Variants in FGGY observed in about 807,000 individuals in gnomAD.
FGGY encodes the protein FGGY carbohydrate kinase domain containing, also known as FGGY carbohydrate kinase domain-containing protein.
A neutral mutation model predicts 71.3 loss-of-function variants in FGGY; 72 were observed. That is an observed-to-expected ratio of 1.01 (90% CI 0.84 to 1.23). The LOEUF (loss-of-function observed/expected upper bound fraction) is 1.23, where lower values mean the gene tolerates loss of function less well. Among genes scored for constraint, FGGY ranks in the 50% most tolerant of loss-of-function variants. FGGY has a pLI of 0.00. For missense variants in FGGY, 668 were observed against 682.3 expected (o/e 0.98, Z 0.23); for synonymous variants, 251 against 250.3 (o/e 1.00, Z -0.02).
chr1:59,627,485 TATATACACAC>T (rs1321566340), intron 10 of FGGY, among the ~76,000 whole-genome samples: 1 of 113,936 alleles, frequency 8.8e-6, no homozygotes, highest in African/African-American at 4.4e-5. Flanking sequence ...TATATATATA[TATATACACAC>T]ACACACACAC....
chr1:59,347,581 T>G (rs1319887292), intron 4 of FGGY, among the ~76,000 whole-genome samples: 2 of 152,064 alleles, frequency 1.3e-5, no homozygotes, highest in African/African-American at 2.4e-5. Flanking sequence ...GTCTTTATAG[T>G]AGCATGGTAC....
chr1:59,468,357 T>TA (rs2092756568), intron 6 of FGGY, among the ~76,000 whole-genome samples: 1 of 152,228 alleles, frequency 6.6e-6, no homozygotes, highest in Admixed American at 6.5e-5. Flanking sequence ...CTGCAGAAGA[T>TA]ACACCCTATG....
intron 7 of FGGY, among the ~76,000 whole-genome samples, chr1:59,537,383 G>A (rs1024196023): frequency 2.6e-4 from 40 of 152,288 alleles, no homozygotes; most frequent in African/African-American, 8.9e-4. Context: ...CCATGCTCGT[G>A]GATAGGAAGA....
intron 11 of FGGY, among the ~76,000 whole-genome samples, chr1:59,648,927 T>C (rs1227475584): frequency 1.3e-5 from 2 of 151,994 alleles, no homozygotes; most frequent in East Asian, 3.9e-4. Flanking sequence ...GATTTTTGTA[T>C]AAGGTGTAAG....
chr1:59,484,200 C>A (rs944758100), intron 6 of FGGY, among the ~76,000 whole-genome samples: 1 of 152,186 alleles, frequency 6.6e-6, no homozygotes, highest in Non-Finnish European at 1.5e-5. Flanking sequence ...TCCAAAATCT[C>A]ATGCTTTTTA....
intron 6 of FGGY, among the ~76,000 whole-genome samples, chr1:59,488,821 A>G (rs558702858): frequency 6.6e-6 from 1 of 151,904 alleles, no homozygotes; most frequent in East Asian, 1.9e-4. Context: ...CCAGTAATGG[A>G]TTTACCAAGT....
intron 6 of FGGY, among the ~76,000 whole-genome samples, chr1:59,494,777 A>G (rs1336531834): frequency 6.6e-6 from 1 of 152,176 alleles, no homozygotes; most frequent in Non-Finnish European, 1.5e-5. Context: ...CACAGTGTAC[A>G]CTTTGGGGTA....
At chr1:59,727,606 A>C (rs2097963775) in intron 14 of FGGY, among the ~76,000 whole-genome samples, 1 of 152,202 alleles carries the variant, frequency 6.6e-6, no homozygotes, top group Admixed American at 6.5e-5. Context: ...AGAGCAATCA[A>C]TATTGTTAAA....
At chr1:59,436,932 C>A (rs918355700) in intron 5 of FGGY, among the ~76,000 whole-genome samples, 1 of 152,210 alleles carries the variant, frequency 6.6e-6, no homozygotes. Context: ...TTTACAAGTT[C>A]TGTCCAAACT....
intron 7 of FGGY, among the ~76,000 whole-genome samples, chr1:59,523,752 G>A (rs1184266179): frequency 6.6e-6 from 1 of 152,160 alleles, no homozygotes; most frequent in Non-Finnish European, 1.5e-5. Context: ...CTCTGAAGAT[G>A]GTAAAAATTT....
At chr1:59,546,041 G>A (rs184647034) in intron 7 of FGGY, among the ~76,000 whole-genome samples, 3 of 152,204 alleles carry the variant, frequency 2.0e-5, no homozygotes, top group African/African-American at 7.2e-5. Flanking sequence ...CTCTGGCAAA[G>A]CACACACCGT....
At chr1:59,308,078 C>T (rs1196137922) in intron 1 of FGGY, among the ~76,000 whole-genome samples, 1 of 152,168 alleles carries the variant, frequency 6.6e-6, no homozygotes, top group Non-Finnish European at 1.5e-5. Flanking sequence ...CATGCAGTGT[C>T]ATGTAGAAAC....
chr1:59,758,817 G>A (rs938220878), intron 15 of FGGY, among the ~76,000 whole-genome samples: 20 of 152,290 alleles, frequency 1.3e-4, no homozygotes, highest in African/African-American at 4.6e-4. Flanking sequence ...GGGAAGGATA[G>A]AATTGGGTAG....
intron 5 of FGGY, among the ~76,000 whole-genome samples, chr1:59,382,087 A>G (rs1427903758): frequency 6.6e-6 from 1 of 152,182 alleles, no homozygotes; most frequent in Non-Finnish European, 1.5e-5. Context: ...AAACCTGTGA[A>G]GAAGGGAATC....
intron 7 of FGGY, among the ~76,000 whole-genome samples, chr1:59,512,729 G>C (rs929498253): frequency 6.6e-6 from 1 of 152,128 alleles, no homozygotes; most frequent in African/African-American, 2.4e-5. Context: ...ATTCAAAAAA[G>C]ATATGTTAAT....
chr1:59,694,913 G>C (rs1174334991), intron 14 of FGGY, among the ~76,000 whole-genome samples: 1 of 152,190 alleles, frequency 6.6e-6, no homozygotes, highest in Non-Finnish European at 1.5e-5. Flanking sequence ...TAGGCATAGA[G>C]AGTATGGTGT....
At chr1:59,460,671 T>C (rs1232299293) in intron 6 of FGGY, among the ~76,000 whole-genome samples, 2 of 152,162 alleles carry the variant, frequency 1.3e-5, no homozygotes. Flanking sequence ...TGACATCTCA[T>C]ACAGCTGGGT....
intron 6 of FGGY, among the ~76,000 whole-genome samples, chr1:59,487,139 A>T (rs990173168): frequency 1.3e-5 from 2 of 152,186 alleles, no homozygotes; most frequent in African/African-American, 4.8e-5. Context: ...TATTCACACT[A>T]AAAGAAAATA....
At chr1:59,546,950 C>CTTTTTTTTT (rs761977942) in intron 7 of FGGY, among the ~76,000 whole-genome samples, 1 of 115,208 alleles carries the variant, frequency 8.7e-6, no homozygotes, top group Non-Finnish European at 1.8e-5. Context: ...ACCTTTTTGA[C>CTTTTTTTTT]TTTTTTTTTT....
Sources: gnomAD v4.1 joint callset for allele counts (sites outside exome capture counted in the v4.1 genomes callset) on GRCh38, gnomAD v4.1.1 for gene constraint, MANE v1.5 for transcripts, NCBI Gene and HGNC (gene_info 2026-07-23, HGNC 2026-07-21) for gene names.